ZNF223: variants seen among roughly 807,000 people sequenced by gnomAD.
ZNF223 encodes the protein Homo sapiens zinc finger protein 223.
ZNF223 carries 9 observed loss-of-function variants against 12.3 expected under a neutral mutation model. That is an observed-to-expected ratio of 0.73 (90% CI 0.44 to 1.28). The LOEUF (loss-of-function observed/expected upper bound fraction) is 1.28. Among genes scored for constraint, ZNF223 ranks in the 50% most tolerant of loss-of-function variants. The pLI, the probability that ZNF223 is intolerant of heterozygous loss-of-function variation, is 0.00. For missense variants in ZNF223, 506 were observed against 579.0 expected (o/e 0.87, Z 1.29); for synonymous variants, 171 against 195.2 (o/e 0.88, Z 1.03).
chr19:44,064,661 T>A (rs186136408), intron 4 of ZNF223, among the ~76,000 whole-genome samples: 8 of 152,250 alleles, frequency 5.3e-5, no homozygotes, highest in Admixed American at 2.0e-4. Flanking sequence ...TACCTTCACA[T>A]TCAATAATTT....
Position 44,067,344 on chromosome 19 carries a change from A to G in ZNF223, c.*67A>G, listed in dbSNP as rs765938015. On this transcript the variant is annotated 3_prime_UTR_variant, in exon 5 of 5. Transcript: ENST00000434772. ...TATGTATATGATGTATAATGATCAA[A>G]TCAGTGTAATTAGCACATTTATCAC... The G allele has an allele frequency of 1.3e-5, 19 of 1,443,232 alleles. No homozygotes were observed. In the African/African-American group the frequency reaches 2.4e-4, roughly 18 times the overall value. 89.4% of individuals were successfully genotyped at this position (1,443,232 alleles called of 1,614,324 possible).
chr19:44,062,808 CT>C (rs1222126047), intron 4 of ZNF223, among the ~76,000 whole-genome samples: 1 of 152,180 alleles, frequency 6.6e-6, no homozygotes, highest in Non-Finnish European at 1.5e-5. Context: ...GCCCATTTGC[CT>C]TTTCCAAAGT....
In ZNF223 at chr19:44,067,396, A is replaced by G; in HGVS notation, c.*119A>G. 1.7e-6 allele frequency: 2 copies of G among 1,174,608 alleles called. No homozygotes were observed. The highest frequency in any genetic ancestry group is 2.6e-5 in the East Asian group (1 of 39,128). The allele number at this position is 1,174,608 out of a possible 1,614,324, so 72.8% of individuals were successfully genotyped here. A position where few individuals can be genotyped will look rare whatever the true frequency, so the allele number is the denominator to read the frequency against. ...TCAATTATCTCTTTTTTGTGTTGAG[A>G]AAATTAAAAATTCATTGTTCCAGCA... On this transcript the variant is annotated 3_prime_UTR_variant, in exon 5 of 5. Coordinates refer to ENST00000434772, the MANE Select transcript of ZNF223 (RefSeq NM_013361.6).
chr19:44,054,944 C>T (rs928526403), intron 1 of ZNF223, among the ~76,000 whole-genome samples, 165 bp from the exon 2 acceptor site: 9 of 152,074 alleles, frequency 5.9e-5, no homozygotes, highest in Admixed American at 5.9e-4. Context: ...TTTTTCTGTC[C>T]CTTTACCTGT....
chr19:44,060,853 G>A lies in ZNF223; in HGVS notation c.235+12G>A, dbSNP rs370248865. On this transcript the variant is annotated intron_variant, in intron 4 of 4. Coordinates refer to ENST00000434772, the MANE Select transcript of ZNF223 (RefSeq NM_013361.6). ...GGAAGGGAATTCAGGTAAGAAGCAC[G>A]CAACTGTGTGTCCTTGTTTGTGACT... is the stretch of plus-strand genomic sequence containing the variant. 7.5e-5 allele frequency: 120 copies of A among 1,604,976 alleles called. No homozygotes were observed. Among genetic ancestry groups the A allele is most frequent in the South Asian group, 7.3e-4 (66 of 90,414 alleles).
chr19:44,055,101 C>A lies in ZNF223; in HGVS notation c.-68-8C>A. On this transcript the variant is annotated splice_region_variant and splice_polypyrimidine_tract_variant and intron_variant, in intron 1 of 4. Coordinates refer to ENST00000434772, the MANE Select transcript of ZNF223 (RefSeq NM_013361.6). The stretch of plus-strand genomic sequence containing the variant: ...TGTCTCTTTTTCTGTCTTCATGGCA[C>A]TTTCCAGGCACAATTCTGCTTTCCC... The A allele has an allele frequency of 1.3e-6, 2 of 1,512,426 alleles. No individual in the cohort carries two copies. The highest frequency in any genetic ancestry group is 1.8e-6 in the Non-Finnish European group (2 of 1,094,400). The allele number at this position is 1,512,426 out of a possible 1,614,324, so 93.7% of individuals were successfully genotyped here. A position where few individuals can be genotyped will look rare whatever the true frequency, so the allele number is the denominator to read the frequency against.
chr19:44,057,679 A>G (rs1428030736), intron 2 of ZNF223, among the ~76,000 whole-genome samples: 2 of 152,226 alleles, frequency 1.3e-5, no homozygotes, highest in African/African-American at 2.4e-5. Flanking sequence ...AGAAATGGGC[A>G]GACTCTCAGA....
chr19:44,058,658 T>C (rs1976799143), intron 2 of ZNF223, among the ~76,000 whole-genome samples: 1 of 152,180 alleles, frequency 6.6e-6, no homozygotes, highest in Non-Finnish European at 1.5e-5. Context: ...CTCCTCCCAG[T>C]AGGGCTAAAA....
intron 2 of ZNF223, 186 bp from the exon 3 acceptor site, chr19:44,060,269 G>T (rs1976819522): frequency 1.8e-5 from 19 of 1,031,768 alleles, no homozygotes; most frequent in South Asian, 1.7e-4. Context: ...TTCTGATGAC[G>T]CTTGGGACAA....
rs1278468984 is a variant in ZNF223 at position 44,067,312 on chromosome 19, TTAAA to T, written c.*38_*41del. 6.5e-6 allele frequency: 10 copies of T among 1,545,386 alleles called. No individual in the cohort carries two copies. The African/African-American group carries it at 1.1e-4, about 17-fold the overall frequency. ...ATATTTATGGGGTACAGTGTGATATTTAAATATATGTATATGATGTATAATGATC... is the reference window on the plus strand; with the variant it reads ...ATATTTATGGGGTACAGTGTGATATTTATATGTATATGATGTATAATGATC... On this transcript the variant is annotated 3_prime_UTR_variant, in exon 5 of 5. Transcript: ENST00000434772.
intron 4 of ZNF223, chr19:44,063,163 A>G (rs1176876628): frequency 6.6e-6 from 1 of 152,250 alleles, no homozygotes; most frequent in Non-Finnish European, 1.5e-5. Flanking sequence ...TGTATTAAAT[A>G]TATCCATGTA....
chr19:44,066,129 C>T lies in ZNF223; in HGVS notation c.301C>T (p.Gln101Ter). ...EAGPHEGWSCQQIWEEIASDL... is the reference protein window; with the variant it reads ...EAGPHEGWSC ...AGGACCACATGAAGGGTGGTCCTGC[C>T]AGCAGATCTGGGAAGAAATTGCAAG... is the stretch of plus-strand genomic sequence containing the variant. The change falls in exon 5 of 5, where the codon CAG (glutamine) becomes TAG (stop). Residue 101 changes from glutamine to a stop codon, truncating the protein, a stop_gained. Coordinates refer to ENST00000434772, the MANE Select transcript of ZNF223 (RefSeq NM_013361.6). LOFTEE classifies it low-confidence loss of function (END_TRUNC). The T allele has an allele frequency of 6.2e-7, 1 of 1,613,914 alleles. No individual in the cohort carries two copies. Among genetic ancestry groups the T allele is most frequent in the Non-Finnish European group, 8.5e-7 (1 of 1,179,938 alleles).
chr19:44,064,663 CAAT>C (rs1187946427), intron 4 of ZNF223, among the ~76,000 whole-genome samples: 1 of 152,048 alleles, frequency 6.6e-6, no homozygotes, highest in East Asian at 1.9e-4. Flanking sequence ...CCTTCACATT[CAAT>C]AATTTCCTAG....
Position 44,060,470 on chromosome 19 carries a change from A to G in ZNF223, c.31A>G (p.Lys11Glu). 1 of 1,614,110 alleles carries G rather than the reference A, an allele frequency of 6.2e-7. No homozygotes were observed. The highest frequency in any genetic ancestry group is 8.5e-7 in the Non-Finnish European group (1 of 1,179,988). The change falls in exon 3 of 5, where the codon AAG becomes GAG. Residue 11 changes from lysine to glutamate, a missense_variant. Coordinates refer to ENST00000434772, the MANE Select transcript of ZNF223 (RefSeq NM_013361.6). Reference protein sequence around the residue: MTMSKEAVTFKDVAVVFTEEE... With the variant: MTMSKEAVTFEDVAVVFTEEE... ...GATGCTGTAGGAGGCAGTGACCTTC[A>G]AGGATGTGGCAGTGGTCTTCACTGA...
In ZNF223 at chr19:44,067,062, G is replaced by T. The variant is rs989365791; in HGVS notation, c.1234G>T (p.Ala412Ser). 3.7e-6 allele frequency: 6 copies of T among 1,613,900 alleles called. No homozygotes were observed. Among genetic ancestry groups the T allele is most frequent in the Non-Finnish European group, 4.2e-6 (5 of 1,179,990 alleles). Residue 412 changes from alanine to serine, a missense_variant, in exon 5 of 5, where the codon GCC becomes TCC. Coordinates refer to ENST00000434772, the MANE Select transcript of ZNF223 (RefSeq NM_013361.6). ...TGACTGTGGGAAGAGCTTTAGACAG[G>T]CCTCAAGTATTTTGAATCATAAGAG... is the stretch of plus-strand genomic sequence containing the variant. ...CDDCGKSFRQASSILNHKRLH... is the reference protein window; with the variant it reads ...CDDCGKSFRQSSSILNHKRLH...
Position 44,066,794 on chromosome 19 carries a change from A to C in ZNF223, c.966A>C (p.Gly322=). Residue 322 remains glycine (G), a synonymous_variant, in exon 5 of 5, where the codon GGA becomes GGC. Coordinates refer to ENST00000434772, the MANE Select transcript of ZNF223 (RefSeq NM_013361.6). ...GKKPNSTGEY[G]KGFIRRLDLC... ...AACCAAACAGCACTGGGGAATATGGAAAAGGCTTCATTCGTAGGCTGGATT... is the reference window on the plus strand; with the variant it reads ...AACCAAACAGCACTGGGGAATATGGCAAAGGCTTCATTCGTAGGCTGGATT... The C allele has an allele frequency of 1.2e-6, 2 of 1,614,180 alleles. No homozygotes were observed. The highest frequency in any genetic ancestry group is 8.5e-7 in the Non-Finnish European group (1 of 1,180,022).
In ZNF223 at chr19:44,066,924, C is replaced by G. The variant is rs767624745; in HGVS notation, c.1096C>G (p.His366Asp). ...SSYLLIHQRV[H>D]TGEKPYKCDK... Reference sequence around the variant, plus strand: ...CTATCTTTTGATCCATCAGCGAGTCCACACTGGAGAAAAGCCATACAAATG... The same window carrying G: ...CTATCTTTTGATCCATCAGCGAGTCGACACTGGAGAAAAGCCATACAAATG... Residue 366 changes from histidine to aspartate, a missense_variant, in exon 5 of 5, where the codon CAC becomes GAC. Physicochemically the swap from His to Asp is moderately conservative, Grantham distance 81. Coordinates refer to ENST00000434772, the MANE Select transcript of ZNF223 (RefSeq NM_013361.6). 5.0e-6 allele frequency: 8 copies of G among 1,613,994 alleles called. No individual in the cohort carries two copies. The Admixed American group carries it at 1.2e-4, about 24-fold the overall frequency.
chr19:44,058,640 C>A (rs1051308851), intron 2 of ZNF223, among the ~76,000 whole-genome samples: 24 of 152,222 alleles, frequency 1.6e-4, no homozygotes, highest in African/African-American at 5.8e-4. Flanking sequence ...TTGGCAGTTG[C>A]AGACCCACTC....
chr19:44,060,320 G>C, intron 2 of ZNF223, 135 bp from the exon 3 acceptor site: 1 of 1,397,708 alleles, frequency 7.2e-7, no homozygotes, highest in South Asian at 1.4e-5. Flanking sequence ...AGAATGAATG[G>C]GAATTCTATA....
Sources: allele counts gnomAD v4.1 joint callset (sites outside exome capture counted in the v4.1 genomes callset), GRCh38; gene constraint gnomAD v4.1.1; transcripts MANE v1.5; gene names NCBI Gene and HGNC (gene_info 2026-07-23, HGNC 2026-07-21).